USP12: variants seen among roughly 807,000 people sequenced by gnomAD.
The protein encoded by USP12 is ubiquitin specific peptidase 12.
A neutral mutation model predicts 45.5 loss-of-function variants in USP12; 19 were observed. That is an observed-to-expected ratio of 0.42 (90% CI 0.29 to 0.61). USP12 has a LOEUF of 0.61. Ranked by LOEUF, USP12 falls within the 20% of genes least tolerant of loss-of-function variation. USP12 has a pLI of 0.22. For synonymous variants in USP12, 149 were observed against 148.8 expected, an observed-to-expected ratio of 1.00 and a Z score of -0.01; for missense variants, 242 against 447.7, an observed-to-expected ratio of 0.54 and a Z score of 4.15.
At chr13:27,076,658 G>A (rs1343924326) in intron 6 of USP12, among the ~76,000 whole-genome samples, 1 of 152,028 alleles carries the variant, frequency 6.6e-6, no homozygotes, top group East Asian at 1.9e-4. Flanking sequence ...AAATGCTGCA[G>A]AACTGAATTT....
At chr13:27,110,811 A>C (rs1283014173) in intron 2 of USP12, among the ~76,000 whole-genome samples, 18 of 152,218 alleles carry the variant, frequency 1.2e-4, no homozygotes, top group Admixed American at 1.1e-3. Context: ...AACGACCAAC[A>C]AATCTGGTTA....
intron 1 of USP12, chr13:27,169,025 C>G (rs976999613): frequency 1.3e-5 from 2 of 152,252 alleles, no homozygotes; most frequent in African/African-American, 4.8e-5. Context: ...CCCTGCTTCA[C>G]CCGGCATACC....
At chr13:27,088,416 C>CAA (rs11323861) in intron 6 of USP12, among the ~76,000 whole-genome samples, 4,324 of 90,876 alleles carry the variant, frequency 0.048, 231 homozygotes, top group African/African-American at 0.058. Flanking sequence ...GACTCCGTCT[C>CAA]AAAAAAAAAA....
intron 1 of USP12, among the ~76,000 whole-genome samples, chr13:27,130,561 C>CAAAAAAAAAA: frequency 8.0e-6 from 1 of 124,792 alleles, no homozygotes. Context: ...CAAAACATGC[C>CAAAAAAAAAA]AAAAAAAAAA....
chr13:27,143,582 C>T (rs953532325), intron 1 of USP12, among the ~76,000 whole-genome samples: 2 of 152,152 alleles, frequency 1.3e-5, no homozygotes, highest in Non-Finnish European at 2.9e-5. Context: ...CCTCAGATTA[C>T]ATGGTAATCT....
At chr13:27,095,474 A>T in intron 4 of USP12, 127 bp downstream of exon 4, 1 of 655,978 alleles carries the variant, frequency 1.5e-6, no homozygotes, top group Non-Finnish European at 2.4e-6. Context: ...ACTGAAAAAT[A>T]CATCTTTAAC....
chr13:27,112,287 C>CTT (rs750413408), intron 2 of USP12, among the ~76,000 whole-genome samples: 6 of 143,326 alleles, frequency 4.2e-5, no homozygotes, highest in Admixed American at 7.0e-5. Flanking sequence ...TTCATAGCTA[C>CTT]TTTTTTTTTT....
intron 6 of USP12, among the ~76,000 whole-genome samples, chr13:27,085,487 T>C (rs1276078732): frequency 6.6e-6 from 1 of 152,150 alleles, no homozygotes; most frequent in Non-Finnish European, 1.5e-5. Context: ...GGCCGTCAAA[T>C]TGATTTTTGG....
chr13:27,121,670 G>C (rs912023473), intron 1 of USP12, among the ~76,000 whole-genome samples: 3 of 151,714 alleles, frequency 2.0e-5, no homozygotes, highest in Admixed American at 2.0e-4. Context: ...GACCATCCTG[G>C]CTAACACGGT....
intron 1 of USP12, chr13:27,170,450 T>C: frequency 2.5e-6 from 1 of 397,342 alleles, no homozygotes. Context: ...TTCAGAAGTC[T>C]CTAATAACAA....
At chr13:27,120,450 C>A (rs55737145) in intron 1 of USP12, among the ~76,000 whole-genome samples, 84 of 152,104 alleles carry the variant, frequency 5.5e-4, no homozygotes, top group Admixed American at 1.2e-3. Flanking sequence ...ATCAGGAGTT[C>A]GAGACCAGCC....
chr13:27,120,207 A>C lies in USP12; in HGVS notation c.49-3611T>G, dbSNP rs1268618340. ...TCACATAATGGTCACATAATCACCC[A>C]AAAATTTAAAGTGAGCCTAGAAAAA... is the stretch of plus-strand genomic sequence containing the variant. On this transcript the variant is annotated intron_variant, in intron 1 of 8. Transcript: ENST00000282344. Among the ~76,000 whole-genome samples, 3 of 152,360 alleles carry C rather than the reference A, an allele frequency of 2.0e-5. No individual in the cohort carries two copies. In the East Asian group the frequency reaches 5.8e-4, roughly 29 times the overall value.
At chr13:27,110,170 TA>T (rs1432622629) in intron 2 of USP12, among the ~76,000 whole-genome samples, 3 of 129,990 alleles carry the variant, frequency 2.3e-5, no homozygotes, top group African/African-American at 8.6e-5. Flanking sequence ...AGAAGGAAAA[TA>T]TTGGTAATTG....
chr13:27,086,185 A>T (rs1319772962), intron 6 of USP12, among the ~76,000 whole-genome samples: 3,836 of 58,254 alleles, frequency 0.066, 144 homozygotes, highest in Non-Finnish European at 0.11. Context: ...AAAAAAAAAA[A>T]AAAAAAAAAA....
chr13:27,105,101 G>A (rs1241706685), intron 3 of USP12, among the ~76,000 whole-genome samples: 1 of 152,132 alleles, frequency 6.6e-6, no homozygotes, highest in African/African-American at 2.4e-5. Context: ...TTATTTCATA[G>A]GGTGATAATG....
intron 3 of USP12, among the ~76,000 whole-genome samples, chr13:27,104,441 C>T (rs1401116338): frequency 6.6e-6 from 1 of 152,110 alleles, no homozygotes; most frequent in Non-Finnish European, 1.5e-5. Flanking sequence ...TGTACAGACA[C>T]ACACAAAAAG....
intron 1 of USP12, among the ~76,000 whole-genome samples, chr13:27,153,517 T>C (rs991623977): frequency 5.9e-5 from 9 of 152,254 alleles, no homozygotes; most frequent in African/African-American, 2.2e-4. Flanking sequence ...AGTGGAAACG[T>C]CACTTCCATA....
chr13:27,116,700 C>T, intron 1 of USP12, 104 bp from the exon 2 acceptor site: 2 of 1,011,782 alleles, frequency 2.0e-6, no homozygotes, highest in South Asian at 1.6e-5. Flanking sequence ...TATCACATTA[C>T]GATGGAGCTG....
At position 27,103,598 on chromosome 13, in the gene USP12, C is replaced by CAA. The variant is rs376135830; in HGVS notation, c.343+2131_343+2132dup. 1.1e-4 allele frequency among the ~76,000 whole-genome samples: 14 copies of CAA among 128,742 alleles called. No homozygotes were observed. The East Asian group carries it at 1.1e-3, about 10-fold the overall frequency. The allele number at this position is 128,742 out of a possible 152,430, so 84.5% of individuals were successfully genotyped here. On this transcript the variant is annotated intron_variant, in intron 3 of 8. Coordinates refer to ENST00000282344, the MANE Select transcript of USP12 (RefSeq NM_182488.4). Reference sequence around the variant, plus strand: ...AAAGAATTAGTAACTATTGAACTATCAAAAAAAAAAATAATAATAATAATA... The same window carrying CAA: ...AAAGAATTAGTAACTATTGAACTATCAAAAAAAAAAAAATAATAATAATAATA...
Sources: gnomAD v4.1 joint callset for allele counts (sites outside exome capture counted in the v4.1 genomes callset) on GRCh38, gnomAD v4.1.1 for gene constraint, MANE v1.5 for transcripts, NCBI Gene and HGNC (gene_info 2026-07-23, HGNC 2026-07-21) for gene names.